The following RNF38 variants were observed in gnomAD, a reference collection of about 807,000 sequenced individuals.
RNF38 encodes E3 ubiquitin-protein ligase RNF38.
RNF38 carries 15 observed loss-of-function variants against 67.2 expected under a neutral mutation model. That is an observed-to-expected ratio of 0.22 (90% confidence interval 0.15 to 0.34). RNF38 has a LOEUF of 0.34. Ranked by LOEUF, RNF38 falls within the 10% of genes least tolerant of loss-of-function variation. RNF38 has a pLI of 1.00. For missense variants in RNF38, 524 were observed against 639.9 expected, an observed-to-expected ratio of 0.82 and a Z score of 1.95; for synonymous variants, 220 against 218.8, an observed-to-expected ratio of 1.01 and a Z score of -0.05.
At chr9:36,459,822 T>C (rs1239335945) in intron 1 of RNF38, among the ~76,000 whole-genome samples, 4 of 152,048 alleles carry the variant, frequency 2.6e-5, no homozygotes, top group Non-Finnish European at 4.4e-5. Flanking sequence ...TTTTAACTGA[T>C]TTTAGTGTTT....
At chr9:36,409,949 C>T (rs1838282562) in intron 2 of RNF38, among the ~76,000 whole-genome samples, 1 of 152,158 alleles carries the variant, frequency 6.6e-6, no homozygotes. Context: ...CCATAGGAAG[C>T]TTATTTATCT....
At position 36,353,324 on chromosome 9, in the gene RNF38, T is replaced by C; in HGVS notation, c.917A>G (p.Gln306Arg). 6.2e-7 allele frequency: 1 copy of C among 1,603,924 alleles called. No individual in the cohort carries two copies. The highest frequency in any genetic ancestry group is 8.5e-7 in the Non-Finnish European group (1 of 1,175,996). ...FQTQQSRSPL[Q>R]RIENEVELLG... ...GAGTTCCACTTCATTTTCTATCCTT[T>C]GCAGAGGCTGAGGAGGGGGAAAAAA... The change falls in exon 7 of 12, where the codon CAA becomes CGA. Residue 306 changes from glutamine (Q) to arginine (R), a missense_variant. This residue lies in a region of RNF38 where 461 missense variants were observed against 517.4 expected (regional missense o/e 0.89). Coordinates refer to ENST00000259605, the MANE Select transcript of RNF38 (RefSeq NM_022781.5).
In RNF38 at chr9:36,451,491, GTTTTTTTTTTTT is replaced by G. The variant is rs374396585; in HGVS notation, n.242-26820_242-26809del. Among the ~76,000 whole-genome samples, 35 of 58,672 alleles carry G rather than the reference GTTTTTTTTTTTT, an allele frequency of 6.0e-4. 1 individual carries two copies. Among genetic ancestry groups the G allele is most frequent in the Non-Finnish European group, 8.6e-4 (28 of 32,586 alleles). The allele number at this position is 58,672 out of a possible 152,430, so 38.5% of individuals were successfully genotyped here. A position where few individuals can be genotyped will look rare whatever the true frequency, so the allele number is the denominator to read the frequency against. On this transcript the variant is annotated intron_variant and non_coding_transcript_variant, in intron 1 of 3. Transcript: ENST00000488058. ...TAAAGAAGAAAAAAAAATTGTAGTA[GTTTTTTTTTTTT>G]TTTTTTTTTTTTTTGAGACGGAGTT...
intron 1 of RNF38, among the ~76,000 whole-genome samples, chr9:36,461,078 G>A (rs924611960): frequency 2.0e-4 from 31 of 152,160 alleles, no homozygotes; most frequent in Admixed American, 1.3e-3. Flanking sequence ...AGCTGGGTGT[G>A]GTGGTGCACA....
intron 1 of RNF38, among the ~76,000 whole-genome samples, chr9:36,465,876 C>G (rs1839848768): frequency 6.6e-6 from 1 of 151,932 alleles, no homozygotes; most frequent in Admixed American, 6.6e-5. Context: ...CGGTGAAACC[C>G]CGTCTCTACT....
At chr9:36,419,086 A>T (rs1838552970) in intron 2 of RNF38, among the ~76,000 whole-genome samples, 1 of 152,234 alleles carries the variant, frequency 6.6e-6, no homozygotes, top group Non-Finnish European at 1.5e-5. Flanking sequence ...ATGCTACAAA[A>T]TCCAAAACTT....
chr9:36,438,117 T>A (rs970110273), intron 1 of RNF38, among the ~76,000 whole-genome samples: 6 of 152,108 alleles, frequency 3.9e-5, no homozygotes, highest in Non-Finnish European at 8.8e-5. Flanking sequence ...AATTTTTTAT[T>A]TTTTGCAGAG....
chr9:36,391,942 T>A (rs1837141596), intron 1 of RNF38, among the ~76,000 whole-genome samples: 1 of 152,136 alleles, frequency 6.6e-6, no homozygotes, highest in Non-Finnish European at 1.5e-5. Flanking sequence ...GTATATGCTA[T>A]AAGAAAGAAA....
At chr9:36,425,647 CA>C (rs906408654) in intron 1 of RNF38, among the ~76,000 whole-genome samples, 4 of 151,854 alleles carry the variant, frequency 2.6e-5, no homozygotes, top group African/African-American at 9.7e-5. Flanking sequence ...GTGAGCCAAC[CA>C]AGATCATGCC....
At chr9:36,377,325 C>T (rs1835863167) in intron 2 of RNF38, among the ~76,000 whole-genome samples, 1 of 152,274 alleles carries the variant, frequency 6.6e-6, no homozygotes, top group Admixed American at 6.5e-5. Context: ...CCATAAAAAT[C>T]ATCTTATACC....
chr9:36,372,617 C>G (rs1305074886), intron 3 of RNF38: 1 of 690,240 alleles, frequency 1.4e-6, no homozygotes, highest in African/African-American at 1.8e-5. Flanking sequence ...TAAACAAGAA[C>G]AGAATACAGA....
At position 36,338,435 on chromosome 9, in the gene RNF38, G is replaced by A. The variant is rs973554166; in HGVS notation, c.*1317C>T. 6.6e-6 allele frequency: 1 copy of A among 152,076 alleles called. No individual in the cohort carries two copies. Among genetic ancestry groups the A allele is most frequent in the Non-Finnish European group, 1.5e-5 (1 of 68,024 alleles). 9.4% of individuals were successfully genotyped at this position (152,076 alleles called of 1,614,324 possible). ...GCAGTAAAATATCAAAACAAATCAG[G>A]TCTAAGGAACATGAGCTGTAACAGC... On this transcript the variant is annotated 3_prime_UTR_variant, in exon 12 of 12. Coordinates refer to ENST00000259605, the MANE Select transcript of RNF38 (RefSeq NM_022781.5).
intron 2 of RNF38, among the ~76,000 whole-genome samples, chr9:36,407,651 G>A (rs897577396): frequency 6.6e-6 from 1 of 152,194 alleles, no homozygotes; most frequent in African/African-American, 2.4e-5. Flanking sequence ...TAGATGGCCT[G>A]CTGTAACCTA....
At chr9:36,430,944 C>A (rs978370766) in intron 1 of RNF38, among the ~76,000 whole-genome samples, 29 of 152,078 alleles carry the variant, frequency 1.9e-4, no homozygotes, top group African/African-American at 7.0e-4. Context: ...CAGTTCTCCA[C>A]GGACATCACT....
chr9:36,469,123 ACCT>A (rs2134406018), intron 1 of RNF38, among the ~76,000 whole-genome samples: 1 of 151,962 alleles, frequency 6.6e-6, no homozygotes, highest in Non-Finnish European at 1.5e-5. Context: ...AAAAAGTAAA[ACCT>A]TACACAGAAA....
At chr9:36,468,882 G>A (rs559709289) in intron 1 of RNF38, among the ~76,000 whole-genome samples, 1 of 152,182 alleles carries the variant, frequency 6.6e-6, no homozygotes, top group East Asian at 1.9e-4. Flanking sequence ...GGGAGGCTGA[G>A]GCGGGTGGAT....
At chr9:36,383,782 A>T (rs1836384340) in intron 2 of RNF38, among the ~76,000 whole-genome samples, 1 of 152,168 alleles carries the variant, frequency 6.6e-6, no homozygotes, top group Non-Finnish European at 1.5e-5. Flanking sequence ...GAAACAAAAA[A>T]ATTTTGCTCT....
intron 2 of RNF38, among the ~76,000 whole-genome samples, chr9:36,421,705 T>C (rs572172931): frequency 2.0e-5 from 3 of 152,080 alleles, no homozygotes; most frequent in African/African-American, 7.2e-5. Flanking sequence ...AAAAAGCAGG[T>C]TGGCGTAAAC....
At chr9:36,400,846 G>C, upstream of RNF38, 1 of 984,684 alleles carries the variant, frequency 1.0e-6, no homozygotes, top group Non-Finnish European at 1.2e-6. Context: ...AACCGACCGG[G>C]CCTCGGCCCC....
Sources: gnomAD v4.1 joint callset for allele counts (sites outside exome capture counted in the v4.1 genomes callset) on GRCh38, gnomAD v4.1.1 for gene constraint, gnomAD v4.1.1 regional missense constraint, MANE v1.5 for transcripts, NCBI Gene and HGNC (gene_info 2026-07-23, HGNC 2026-07-21) for gene names.